The following RAP1GAP2 variants were observed in gnomAD, a reference collection of about 807,000 sequenced individuals.
RAP1GAP2 encodes rap1 GTPase-activating protein 2.
Under a neutral mutation model 95.0 loss-of-function variants are expected in RAP1GAP2, and 27 were observed. That is an observed-to-expected ratio of 0.28 (90% CI 0.21 to 0.39). The LOEUF (loss-of-function observed/expected upper bound fraction) is 0.39. Ranked by LOEUF, RAP1GAP2 falls within the 10% of genes least tolerant of loss-of-function variation. The pLI, the probability that RAP1GAP2 is intolerant of heterozygous loss-of-function variation, is 1.00. For synonymous variants in RAP1GAP2, 373 were observed against 380.9 expected (o/e 0.98, Z 0.24); for missense variants, 771 against 970.0 (o/e 0.79, Z 2.72).
At chr17:2,895,124 T>A (rs2151706456) in intron 2 of RAP1GAP2, among the ~76,000 whole-genome samples, 2 of 152,372 alleles carry the variant, frequency 1.3e-5, no homozygotes, top group South Asian at 4.1e-4. Flanking sequence ...TTCAGTGGAC[T>A]TGTTTCAGAA....
chr17:2,986,780 A>G (rs1285973371), intron 11 of RAP1GAP2, among the ~76,000 whole-genome samples: 4 of 152,176 alleles, frequency 2.6e-5, no homozygotes, highest in African/African-American at 9.7e-5. Context: ...TAATGGCAAT[A>G]CTACTACTCT....
At chr17:2,889,275 C>T (rs1014485060) in intron 2 of RAP1GAP2, among the ~76,000 whole-genome samples, 1 of 152,172 alleles carries the variant, frequency 6.6e-6, no homozygotes, top group African/African-American at 2.4e-5. Flanking sequence ...GGTGATGAGC[C>T]GGGTGCCAGC....
rs1328134266 is a variant in RAP1GAP2, at chr17:2,825,288, G to A, written c.80+24738G>A. Among the ~76,000 whole-genome samples the A allele has an allele frequency of 2.6e-5, 4 of 152,028 alleles. No individual in the cohort carries two copies. The highest frequency in any genetic ancestry group is 6.6e-5 in the Admixed American group (1 of 15,250). On this transcript the variant is annotated intron_variant, in intron 2 of 24. Coordinates refer to ENST00000254695, the MANE Select transcript of RAP1GAP2 (RefSeq NM_015085.5). This position sits in a 1 kb window ranked among gnomAD's most constrained non-coding sequence, Gnocchi z 4.1. ...AGCAGCATCTCTCCAGCCTGTCTCC[G>A]CAGGGTTGTTTTTGGCTCATGATTT...
intron 1 of RAP1GAP2, among the ~76,000 whole-genome samples, chr17:2,789,335 A>C (rs1194577260): frequency 6.6e-6 from 1 of 152,188 alleles, no homozygotes; most frequent in Non-Finnish European, 1.5e-5. Flanking sequence ...GGTGTGAGCC[A>C]CCGTGGCCGG....
At chr17:2,994,215 G>C (rs1209183783) in intron 12 of RAP1GAP2, among the ~76,000 whole-genome samples, 1 of 152,136 alleles carries the variant, frequency 6.6e-6, no homozygotes, top group Non-Finnish European at 1.5e-5. Context: ...TCTAGAACCC[G>C]GAGCTCCTGC....
At chr17:2,756,283 G>A (rs544283155) in intron 1 of RAP1GAP2, among the ~76,000 whole-genome samples, 1 of 152,246 alleles carries the variant, frequency 6.6e-6, no homozygotes, top group Non-Finnish European at 1.5e-5. Context: ...GGGACAGGGC[G>A]CAGAGAAGGG....
At chr17:2,762,580 T>TG (rs1227791232) in intron 1 of RAP1GAP2, among the ~76,000 whole-genome samples, 1 of 151,196 alleles carries the variant, frequency 6.6e-6, no homozygotes, top group Admixed American at 6.6e-5. Context: ...GTTTTTTTTT[T>TG]GGTAGAGATG....
At chr17:2,807,324 G>A (rs1212891976) in intron 2 of RAP1GAP2, among the ~76,000 whole-genome samples, 1 of 152,176 alleles carries the variant, frequency 6.6e-6, no homozygotes, top group Non-Finnish European at 1.5e-5. Flanking sequence ...GCACCACTAC[G>A]ATGTTCTAGA....
At chr17:2,929,058 A>AC (rs1345508137) in intron 3 of RAP1GAP2, among the ~76,000 whole-genome samples, 3 of 151,702 alleles carry the variant, frequency 2.0e-5, no homozygotes, top group African/African-American at 7.3e-5. Context: ...ACATAGCAAG[A>AC]CCCCTCCATC....
chr17:2,832,851 G>A (rs146427296), intron 2 of RAP1GAP2, among the ~76,000 whole-genome samples: 2 of 150,934 alleles, frequency 1.3e-5, no homozygotes, highest in African/African-American at 2.4e-5. Flanking sequence ...TGGCACTTGC[G>A]TGTAGTCCCA....
intron 2 of RAP1GAP2, among the ~76,000 whole-genome samples, chr17:2,872,694 AT>A (rs951035603): frequency 6.7e-6 from 1 of 148,152 alleles, no homozygotes; most frequent in African/African-American, 2.5e-5. Context: ...TTCTCCCTAG[AT>A]TTTTTTTTTT....
chr17:2,842,931 G>A lies in RAP1GAP2; in HGVS notation c.80+42381G>A, dbSNP rs772088111. On this transcript the variant is annotated intron_variant, in intron 2 of 24. Transcript: ENST00000254695. ...TCTTTTCTCTCTCTTCCTCCCTTCC[G>A]TCTTTCCCCTTCTTTTCTTTCCATG... Among the ~76,000 whole-genome samples, 6 of 152,176 alleles carry A rather than the reference G, an allele frequency of 3.9e-5. No homozygotes were observed. In the East Asian group the frequency reaches 7.7e-4, roughly 20 times the overall value.
chr17:2,901,239 G>T (rs72819280), intron 2 of RAP1GAP2, among the ~76,000 whole-genome samples: 15,324 of 152,190 alleles, frequency 0.1, 1,087 homozygotes, highest in African/African-American at 0.2. Context: ...CATGTGAGAA[G>T]GGGCAGGGCC....
chr17:2,968,931 A>C (rs923166461), intron 8 of RAP1GAP2, among the ~76,000 whole-genome samples: 5 of 152,114 alleles, frequency 3.3e-5, no homozygotes, highest in South Asian at 4.1e-4. Flanking sequence ...AGTGTGATAA[A>C]GAGGGCTATT....
chr17:2,983,324 C>T (rs773572376), intron 10 of RAP1GAP2, among the ~76,000 whole-genome samples: 2 of 152,062 alleles, frequency 1.3e-5, no homozygotes, highest in Non-Finnish European at 2.9e-5. Flanking sequence ...AATTGACCAG[C>T]CTCTGAGATT....
chr17:2,912,737 A>G (rs1469324525), intron 3 of RAP1GAP2, among the ~76,000 whole-genome samples: 1 of 152,138 alleles, frequency 6.6e-6, no homozygotes, highest in Non-Finnish European at 1.5e-5. Context: ...TGGTTGGGAT[A>G]CAACCCCATC....
rs968921667 is a variant in RAP1GAP2 at position 3,030,302 on chromosome 17, C to T, written c.2108-620C>T. On this transcript the variant is annotated intron_variant, in intron 22 of 24. Transcript: ENST00000254695. ...GTATCCGAGAAAAGTTTTCAAACCCCGGAAGGATATTTCCTCAGTTTTCTT... is the reference window on the plus strand; with the variant it reads ...GTATCCGAGAAAAGTTTTCAAACCCTGGAAGGATATTTCCTCAGTTTTCTT... Among the ~76,000 whole-genome samples, 24 of 152,068 alleles carry T rather than the reference C, an allele frequency of 1.6e-4. No homozygotes were observed. In the South Asian group the frequency reaches 2.5e-3, roughly 16 times the overall value.
chr17:2,991,726 G>A (rs540311367), intron 12 of RAP1GAP2, among the ~76,000 whole-genome samples: 27 of 152,218 alleles, frequency 1.8e-4, no homozygotes, highest in African/African-American at 6.3e-4. Context: ...AGGGAGCCCC[G>A]TGCAGTTTTG....
chr17:2,969,557 AGTG>A (rs1224606753), intron 8 of RAP1GAP2, among the ~76,000 whole-genome samples: 104 of 123,834 alleles, frequency 8.4e-4, no homozygotes, highest in African/African-American at 3.1e-3. Context: ...GTTGGAGTGC[AGTG>A]GTGCAATCTT....
Sources: allele counts gnomAD v4.1 joint callset (sites outside exome capture counted in the v4.1 genomes callset), GRCh38; gene constraint gnomAD v4.1.1; non-coding constraint Gnocchi (gnomAD v3.1); transcripts MANE v1.5; gene names NCBI Gene and HGNC (gene_info 2026-07-23, HGNC 2026-07-21).